FER: variants seen among roughly 807,000 people sequenced by gnomAD.
FER encodes FER tyrosine kinase.
In FER, 63 loss-of-function variants were observed where a neutral mutation model predicts 111.0. The observed-to-expected ratio is 0.57, with a 90% CI of 0.46 to 0.70. FER has a LOEUF of 0.70. Among genes scored for constraint, FER ranks in the 30% least tolerant of loss-of-function variants. The pLI, the probability that FER is intolerant of heterozygous loss-of-function variation, is 0.00. For synonymous variants in FER, 327 were observed against 313.9 expected (o/e 1.04, Z -0.44); for missense variants, 914 against 954.0 (o/e 0.96, Z 0.55).
At chr5:109,177,103 T>C (rs1757784430) in intron 17 of FER, among the ~76,000 whole-genome samples, 1 of 152,172 alleles carries the variant, frequency 6.6e-6, no homozygotes, top group Non-Finnish European at 1.5e-5. Flanking sequence ...GTATAAGTGA[T>C]ATAAAAATTA....
At chr5:108,899,047 A>G (rs1457681521) in intron 10 of FER, among the ~76,000 whole-genome samples, 1 of 151,398 alleles carries the variant, frequency 6.6e-6, no homozygotes, top group Admixed American at 6.6e-5. Context: ...GTTGTTCTAA[A>G]TAGTATGATT....
chr5:109,043,525 T>C (rs566062986), intron 14 of FER, among the ~76,000 whole-genome samples: 33 of 152,288 alleles, frequency 2.2e-4, no homozygotes, highest in African/African-American at 7.7e-4. Flanking sequence ...ATAATTTTAT[T>C]TATTAATAAG....
intron 16 of FER, among the ~76,000 whole-genome samples, chr5:109,060,974 G>A (rs1774342690): frequency 6.6e-6 from 1 of 152,064 alleles, no homozygotes; most frequent in Admixed American, 6.5e-5. Context: ...GACTGAACCT[G>A]CTCCTGCCCC....
intron 5 of FER, among the ~76,000 whole-genome samples, chr5:108,845,370 A>T (rs886737024): frequency 6.6e-6 from 1 of 151,494 alleles, no homozygotes; most frequent in Non-Finnish European, 1.5e-5. Flanking sequence ...TCCAGTAGAG[A>T]TGGGGTTTCA....
At chr5:109,031,221 G>A (rs1769559390) in intron 13 of FER, among the ~76,000 whole-genome samples, 1 of 152,048 alleles carries the variant, frequency 6.6e-6, no homozygotes, top group South Asian at 2.1e-4. Context: ...TTCTGTTGTG[G>A]CGGTAGGATG....
chr5:108,793,489 A>T (rs1327381787), intron 2 of FER, among the ~76,000 whole-genome samples: 20 of 138,266 alleles, frequency 1.4e-4, no homozygotes, highest in African/African-American at 5.1e-4. Context: ...TCTCTTTGGT[A>T]TACTGATATC....
At chr5:108,881,725 A>T (rs570898432) in intron 8 of FER, among the ~76,000 whole-genome samples, 62 of 152,208 alleles carry the variant, frequency 4.1e-4, no homozygotes, top group Admixed American at 7.2e-4. Context: ...CTTTCTTTGC[A>T]TACATGAGGA....
At chr5:109,033,485 C>A (rs1769929020) in intron 13 of FER, among the ~76,000 whole-genome samples, 1 of 152,102 alleles carries the variant, frequency 6.6e-6, no homozygotes, top group African/African-American at 2.4e-5. Flanking sequence ...CAGCAACTCC[C>A]CATTCTCCAA....
At position 109,180,870 on chromosome 5, in the gene FER, T is replaced by C; in HGVS notation, c.2172T>C (p.Ile724=). 6.2e-7 allele frequency: 1 copy of C among 1,612,930 alleles called. No homozygotes were observed. Among genetic ancestry groups the C allele is most frequent in the Non-Finnish European group, 8.5e-7 (1 of 1,179,490 alleles). ...YSSSGLKQIP[I]KWTAPEALNY... ...CTTCTGGCTTAAAGCAGATTCCCATTAAATGGACAGCACCGGAAGCTCTTA... is the reference window on the plus strand; with the variant it reads ...CTTCTGGCTTAAAGCAGATTCCCATCAAATGGACAGCACCGGAAGCTCTTA... The change falls in exon 18 of 20, where the codon ATT becomes ATC. Residue 724 remains isoleucine (I), a synonymous_variant. Transcript: ENST00000281092.
intron 1 of FER, among the ~76,000 whole-genome samples, chr5:108,750,891 C>A (rs1421301031): frequency 6.6e-6 from 1 of 152,164 alleles, no homozygotes; most frequent in Non-Finnish European, 1.5e-5. Flanking sequence ...AATGATCAAG[C>A]TTAAAAAACC....
chr5:109,065,025 G>A (rs1374333857), intron 16 of FER, among the ~76,000 whole-genome samples: 1 of 152,066 alleles, frequency 6.6e-6, no homozygotes, highest in Non-Finnish European at 1.5e-5. Flanking sequence ...AATGTTAGAG[G>A]TGTGAGCAGG....
intron 17 of FER, among the ~76,000 whole-genome samples, chr5:109,162,946 A>G (rs770389325): frequency 1.4e-4 from 21 of 152,064 alleles, no homozygotes; most frequent in Non-Finnish European, 3.1e-4. Context: ...ATGTCATGTA[A>G]TCATTACCAC....
chr5:109,055,068 A>G (rs1300990046), intron 16 of FER, among the ~76,000 whole-genome samples: 2 of 152,230 alleles, frequency 1.3e-5, no homozygotes, highest in Non-Finnish European at 2.9e-5. Flanking sequence ...AAGGGGAAAG[A>G]ATAGTCTGCC....
At chr5:108,995,657 G>A (rs1763893701) in intron 13 of FER, among the ~76,000 whole-genome samples, 1 of 152,058 alleles carries the variant, frequency 6.6e-6, no homozygotes, top group African/African-American at 2.4e-5. Flanking sequence ...TCTTTATCCA[G>A]TCTATCATTG....
chr5:108,960,219 A>AT (rs1480980875), intron 13 of FER, among the ~76,000 whole-genome samples: 1 of 152,118 alleles, frequency 6.6e-6, no homozygotes, highest in Non-Finnish European at 1.5e-5. Context: ...CCTAGTCTGG[A>AT]TTTAGTGATT....
At chr5:108,917,078 T>C (rs1752366404) in intron 10 of FER, among the ~76,000 whole-genome samples, 1 of 152,178 alleles carries the variant, frequency 6.6e-6, no homozygotes, top group African/African-American at 2.4e-5. Flanking sequence ...TGCCAGTCTT[T>C]ATAAAATAAT....
intron 13 of FER, among the ~76,000 whole-genome samples, chr5:108,993,640 C>A (rs149520245): frequency 0.071 from 7,830 of 110,902 alleles, 340 homozygotes; most frequent in South Asian, 0.13. Context: ...AGGGTGAGGG[C>A]GAGGGCGAGG....
At chr5:109,066,182 C>T (rs1324820985) in intron 16 of FER, among the ~76,000 whole-genome samples, 1 of 152,078 alleles carries the variant, frequency 6.6e-6, no homozygotes, top group African/African-American at 2.4e-5. Context: ...ATAAAGACTT[C>T]AAAATGAATA....
At chr5:108,756,553 A>G (rs575991982) in intron 1 of FER, among the ~76,000 whole-genome samples, 1 of 152,182 alleles carries the variant, frequency 6.6e-6, no homozygotes, top group Admixed American at 6.5e-5. Flanking sequence ...GGGGAACTAA[A>G]CAATGTAGTT....
Sources: gnomAD v4.1 joint callset for allele counts (sites outside exome capture counted in the v4.1 genomes callset) on GRCh38, gnomAD v4.1.1 for gene constraint, MANE v1.5 for transcripts, NCBI Gene and HGNC (gene_info 2026-07-23, HGNC 2026-07-21) for gene names.